Variants in CADPS observed in about 807,000 individuals in gnomAD.
CADPS encodes the protein calcium-dependent secretion activator 1.
CADPS carries 57 observed loss-of-function variants against 167.3 expected under a neutral mutation model. That is an observed-to-expected ratio of 0.34 (90% confidence interval 0.28 to 0.42). The LOEUF is 0.42. Among genes scored for constraint, CADPS ranks in the 20% least tolerant of loss-of-function variants. CADPS has a pLI of 1.00. For synonymous variants in CADPS, 676 were observed against 635.3 expected, an observed-to-expected ratio of 1.06 and a Z score of -0.96; for missense variants, 1,414 against 1,738.1, an observed-to-expected ratio of 0.81 and a Z score of 3.32.
At chr3:62,528,543 T>C (rs150029094) in intron 13 of CADPS, among the ~76,000 whole-genome samples, 3 of 152,350 alleles carry the variant, frequency 2.0e-5, no homozygotes, top group African/African-American at 7.2e-5. Flanking sequence ...GACGATGGAC[T>C]ATTTCACTTG....
chr3:62,770,067 C>T (rs999422596), intron 1 of CADPS, among the ~76,000 whole-genome samples: 1 of 152,196 alleles, frequency 6.6e-6, no homozygotes, highest in African/African-American at 2.4e-5. Flanking sequence ...TCTTTACTTA[C>T]TCTGGTCTCC....
At position 62,401,742 on chromosome 3, in the gene CADPS, T is replaced by TG. The variant is rs1553689920; in HGVS notation, c.3882+1338_3882+1339insC. Among the ~76,000 whole-genome samples the TG allele has an allele frequency of 1.2e-4, 18 of 151,560 alleles. No homozygotes were observed. The East Asian group carries it at 1.7e-3, about 15-fold the overall frequency. On this transcript the variant is annotated intron_variant, in intron 29 of 29. Coordinates refer to ENST00000383710, the MANE Select transcript of CADPS (RefSeq NM_003716.4). ...TGTGGCTCATACCACATTTTTTTTT[T>TG]TTTGTTTTGGCAAAAGGCTAAGATT...
chr3:62,689,657 C>T (rs2078738210), intron 3 of CADPS, among the ~76,000 whole-genome samples: 1 of 152,030 alleles, frequency 6.6e-6, no homozygotes, highest in African/African-American at 2.4e-5. Flanking sequence ...CGCAAATGTA[C>T]CTGACATTAT....
intron 4 of CADPS, among the ~76,000 whole-genome samples, chr3:62,653,958 CA>C (rs771422444): frequency 3.3e-5 from 5 of 152,138 alleles, no homozygotes; most frequent in Admixed American, 6.5e-5. Flanking sequence ...AGGGAAAGAG[CA>C]GGATGGATGC....
At position 62,634,100 on chromosome 3, in the gene CADPS, T is replaced by A. The variant is rs558335699; in HGVS notation, c.1325+11622A>T. ...CAGCGGGTTGTTAAGCTTTTTCTCC[T>A]TCCGGATAGGAAAGAATTAAGGTAA... is the stretch of plus-strand genomic sequence containing the variant. On this transcript the variant is annotated intron_variant, in intron 6 of 29. Coordinates refer to ENST00000383710, the MANE Select transcript of CADPS (RefSeq NM_003716.4). Among the ~76,000 whole-genome samples, 25 of 152,278 alleles carry A rather than the reference T, an allele frequency of 1.6e-4. No individual in the cohort carries two copies. In the South Asian group the frequency reaches 4.8e-3, roughly 29 times the overall value.
chr3:62,840,520 T>C (rs577262899), intron 1 of CADPS, among the ~76,000 whole-genome samples: 2 of 152,170 alleles, frequency 1.3e-5, no homozygotes, highest in Non-Finnish European at 2.9e-5. Flanking sequence ...GAGGACTCTT[T>C]TCCAGAAGAC....
intron 6 of CADPS, among the ~76,000 whole-genome samples, chr3:62,595,192 T>C (rs114331948): frequency 2.4e-3 from 370 of 152,136 alleles, no homozygotes; most frequent in African/African-American, 8.4e-3. Flanking sequence ...TCTCAGTGCA[T>C]GAAACCACTG....
At chr3:62,794,791 A>AAAAAAAAAAAG in intron 1 of CADPS, among the ~76,000 whole-genome samples, 3 of 151,014 alleles carry the variant, frequency 2.0e-5, no homozygotes, top group African/African-American at 7.4e-5. Flanking sequence ...AAAAAAAAAA[A>AAAAAAAAAAAG]AAAAAAAAAA....
At chr3:62,779,279 G>A in intron 1 of CADPS, 1 of 353,868 alleles carries the variant, frequency 2.8e-6, no homozygotes, top group Non-Finnish European at 5.7e-6. Flanking sequence ...TTTGCTTTCT[G>A]GGCAGGAAAC....
chr3:62,686,564 T>C (rs2078076690), intron 3 of CADPS, among the ~76,000 whole-genome samples: 1 of 152,178 alleles, frequency 6.6e-6, no homozygotes, highest in East Asian at 1.9e-4. Flanking sequence ...AAGATAAAAA[T>C]ATTGTCAATC....
chr3:62,576,156 GT>G (rs1336522440), intron 8 of CADPS, among the ~76,000 whole-genome samples: 1 of 152,134 alleles, frequency 6.6e-6, no homozygotes, highest in Non-Finnish European at 1.5e-5. Flanking sequence ...TGAACTCTCT[GT>G]TTTCAAGCTG....
intron 3 of CADPS, among the ~76,000 whole-genome samples, chr3:62,718,965 C>T (rs1020331647): frequency 6.6e-6 from 1 of 152,132 alleles, no homozygotes; most frequent in Non-Finnish European, 1.5e-5. Context: ...AAAGTATGGA[C>T]CTGTGACTAT....
rs555492457 is a variant in CADPS at position 62,660,849 on chromosome 3, G to T, written c.969+1465C>A. On this transcript the variant is annotated intron_variant, in intron 4 of 29. Coordinates refer to ENST00000383710, the MANE Select transcript of CADPS (RefSeq NM_003716.4). ...ACTAAAATAGTTTATTTTGATTAAC[G>T]GAGGCCCGTTTAAATTTTGTGCCTG... is the stretch of plus-strand genomic sequence containing the variant. 8.6e-4 allele frequency among the ~76,000 whole-genome samples: 131 copies of T among 152,166 alleles called. 1 individual carries two copies. The highest frequency in any genetic ancestry group is 3.2e-3 in the African/African-American group (131 of 41,518).
intron 17 of CADPS, among the ~76,000 whole-genome samples, chr3:62,502,944 G>A (rs967972488): frequency 6.6e-6 from 1 of 151,876 alleles, no homozygotes; most frequent in Non-Finnish European, 1.5e-5. Context: ...AACCAAATAA[G>A]CAAAAATGAT....
At chr3:62,757,076 T>A (rs888659660) in intron 2 of CADPS, among the ~76,000 whole-genome samples, 1 of 152,144 alleles carries the variant, frequency 6.6e-6, no homozygotes, top group African/African-American at 2.4e-5. Context: ...GGAGGCCAGT[T>A]GAGAGGTGCT....
At chr3:62,686,393 G>T (rs562931589) in intron 3 of CADPS, among the ~76,000 whole-genome samples, 1 of 152,042 alleles carries the variant, frequency 6.6e-6, no homozygotes, top group Non-Finnish European at 1.5e-5. Context: ...GCTGACATCA[G>T]TGGACAGAAA....
At chr3:62,655,128 C>T in intron 4 of CADPS, among the ~76,000 whole-genome samples, 1 of 152,086 alleles carries the variant, frequency 6.6e-6, no homozygotes, top group African/African-American at 2.4e-5. Context: ...TAAAAAGAGG[C>T]TCATAAAAAC....
intron 1 of CADPS, among the ~76,000 whole-genome samples, chr3:62,856,864 TAA>T (rs201438087): frequency 1.9e-4 from 26 of 139,606 alleles, no homozygotes; most frequent in African/African-American, 5.0e-4. Flanking sequence ...AATATAAAGG[TAA>T]AAAAAAAAAA....
At chr3:62,827,623 A>G (rs1016350526) in intron 1 of CADPS, among the ~76,000 whole-genome samples, 2 of 152,202 alleles carry the variant, frequency 1.3e-5, no homozygotes, top group East Asian at 1.9e-4. Context: ...GACTCTATGA[A>G]TAATCAGGAA....
Sources: gnomAD v4.1 joint callset for allele counts (sites outside exome capture counted in the v4.1 genomes callset) on GRCh38, gnomAD v4.1.1 for gene constraint, MANE v1.5 for transcripts, NCBI Gene and HGNC (gene_info 2026-07-23, HGNC 2026-07-21) for gene names.